Variants in PAX7 observed in about 807,000 individuals in gnomAD.
PAX7 encodes paired box protein Pax-7.
In PAX7, 18 loss-of-function variants were observed where a neutral mutation model predicts 50.7. The observed-to-expected ratio is 0.36, with a 90% CI of 0.25 to 0.53. The LOEUF is 0.53. Ranked by LOEUF, PAX7 falls within the 20% of genes least tolerant of loss-of-function variation. The pLI, the probability that PAX7 is intolerant of heterozygous loss-of-function variation, is 0.93. For missense variants in PAX7, 644 were observed against 702.9 expected (o/e 0.92, Z 0.95); for synonymous variants, 310 against 290.4 (o/e 1.07, Z -0.69).
chr1:18,721,624 A>G (rs9439684), intron 7 of PAX7, among the ~76,000 whole-genome samples: 3,150 of 152,338 alleles, frequency 0.021, 100 homozygotes, highest in African/African-American at 0.072. Flanking sequence ...CCTGGGGCAA[A>G]GCAGAGAGGC....
At chr1:18,686,922 GC>G (rs1268328415) in intron 4 of PAX7, among the ~76,000 whole-genome samples, 1 of 140,676 alleles carries the variant, frequency 7.1e-6, no homozygotes, top group Admixed American at 7.4e-5. Flanking sequence ...ACAGAGTCTT[GC>G]TCTGTTGCCC....
At chr1:18,668,002 A>G (rs906417597) in intron 4 of PAX7, among the ~76,000 whole-genome samples, 1 of 152,134 alleles carries the variant, frequency 6.6e-6, no homozygotes, top group African/African-American at 2.4e-5. Flanking sequence ...ACCGAGTAAA[A>G]TATGGGAAAC....
chr1:18,719,805 T>TG (rs3216187), intron 7 of PAX7, among the ~76,000 whole-genome samples: 132,474 of 152,150 alleles, frequency 0.87, 57,742 homozygotes, highest in Middle Eastern at 0.9. Context: ...CTGTCCCAAC[T>TG]GGGTCATATT....
At chr1:18,723,126 AG>A (rs562300150) in intron 7 of PAX7, among the ~76,000 whole-genome samples, 1 of 152,302 alleles carries the variant, frequency 6.6e-6, no homozygotes, top group South Asian at 2.1e-4. Flanking sequence ...GAATGCTTCC[AG>A]CTGCTTCCTT....
In PAX7 at chr1:18,630,846, A is replaced by C. The variant is rs1038686956; in HGVS notation, c.-758A>C. Among the ~76,000 whole-genome samples, 1 of 151,674 alleles carries C rather than the reference A, an allele frequency of 6.6e-6. No individual in the cohort carries two copies. The highest frequency in any genetic ancestry group is 2.4e-5 in the African/African-American group (1 of 41,242). ...TCCTCCTCCTCCTCGTACTTCGGTGAACACTTTTGCACAACTTACCCAGCT... is the reference window on the plus strand; with the variant it reads ...TCCTCCTCCTCCTCGTACTTCGGTGCACACTTTTGCACAACTTACCCAGCT... On this transcript the variant is annotated 5_prime_UTR_variant, in exon 1 of 9. Coordinates refer to ENST00000420770, the MANE Select transcript of PAX7 (RefSeq NM_001135254.2).
At chr1:18,646,877 C>T (rs1337311162) in intron 4 of PAX7, among the ~76,000 whole-genome samples, 2 of 147,280 alleles carry the variant, frequency 1.4e-5, no homozygotes, top group Non-Finnish European at 3.0e-5. Context: ...CGGGGGGCGG[C>T]GCGGGGCGGC....
chr1:18,680,649 C>A (rs1380158881), intron 4 of PAX7, among the ~76,000 whole-genome samples: 1 of 152,188 alleles, frequency 6.6e-6, no homozygotes, highest in Admixed American at 6.5e-5. Flanking sequence ...TCCCCCAGTG[C>A]CAGCCCTTGC....
chr1:18,641,199 G>A (rs763115373), intron 4 of PAX7, among the ~76,000 whole-genome samples: 13 of 152,222 alleles, frequency 8.5e-5, no homozygotes, highest in African/African-American at 2.4e-5. Flanking sequence ...AAGGAGATAA[G>A]GTTGGAGGGG....
chr1:18,734,547 G>A (rs2089687743), intron 7 of PAX7, among the ~76,000 whole-genome samples: 1 of 152,090 alleles, frequency 6.6e-6, no homozygotes, highest in South Asian at 2.1e-4. Context: ...CCCACCCCAG[G>A]AAAGCACTGC....
At chr1:18,691,128 C>T (rs1464355771) in intron 4 of PAX7, among the ~76,000 whole-genome samples, 1 of 152,204 alleles carries the variant, frequency 6.6e-6, no homozygotes, top group Admixed American at 6.5e-5. Context: ...CAGGCATGCA[C>T]TTCCACACTC....
chr1:18,726,636 G>C lies in PAX7; in HGVS notation c.1156-8996G>C, dbSNP rs553196287. Among the ~76,000 whole-genome samples the C allele has an allele frequency of 6.6e-6, 1 of 152,180 alleles. No homozygotes were observed. Among genetic ancestry groups the C allele is most frequent in the Non-Finnish European group, 1.5e-5 (1 of 68,038 alleles). On this transcript the variant is annotated intron_variant, in intron 7 of 8. Transcript: ENST00000420770. This position sits in a 1 kb window ranked among gnomAD's most constrained non-coding sequence, Gnocchi z 4.8. ...CCTTAGTGGGACTGAAAGTTTCCAC[G>C]GGGTAAGGCTTGAACACAGGGACCT...
At chr1:18,649,801 C>T (rs1181480231) in intron 4 of PAX7, among the ~76,000 whole-genome samples, 5 of 152,208 alleles carry the variant, frequency 3.3e-5, no homozygotes, top group African/African-American at 1.2e-4. Context: ...AATTCAGATC[C>T]TCATGTAAAT....
Position 18,703,179 on chromosome 1 carries a change from C to T in PAX7, c.1038C>T (p.Ala346=), listed in dbSNP as rs1031430307. Residue 346 remains alanine (A), a synonymous_variant, in exon 7 of 9, where the codon GCC becomes GCT. Coordinates refer to ENST00000420770, the MANE Select transcript of PAX7 (RefSeq NM_001135254.2). Reference sequence around the variant, plus strand: ...GGCTGGCTGCAGCGGCTGCAGCCGCCGACACCAGCTCTGCCTACGGAGCCC... The same window carrying T: ...GGCTGGCTGCAGCGGCTGCAGCCGCTGACACCAGCTCTGCCTACGGAGCCC... ...QGGLAAAAAA[A]DTSSAYGARH... The T allele has an allele frequency of 1.1e-5, 17 of 1,612,914 alleles. No homozygotes were observed. The highest frequency in any genetic ancestry group is 1.4e-5 in the Non-Finnish European group (16 of 1,179,810).
At chr1:18,677,126 C>T (rs1000988756) in intron 4 of PAX7, among the ~76,000 whole-genome samples, 9 of 152,322 alleles carry the variant, frequency 5.9e-5, no homozygotes, top group Admixed American at 3.3e-4. Context: ...CCTGACAACT[C>T]GTGTTTTAAT....
chr1:18,676,709 G>A (rs1015712794), intron 4 of PAX7, among the ~76,000 whole-genome samples: 1 of 152,094 alleles, frequency 6.6e-6, no homozygotes. Context: ...TGCTGCACAC[G>A]CAACTTAGGA....
chr1:18,708,184 G>T lies in PAX7; in HGVS notation c.1155+4888G>T, dbSNP rs558426578. Among the ~76,000 whole-genome samples the T allele has an allele frequency of 2.3e-4, 35 of 152,194 alleles. 1 individual carries two copies. The highest frequency in any genetic ancestry group is 1.7e-3 in the Admixed American group (26 of 15,272). On this transcript the variant is annotated intron_variant, in intron 7 of 8. Coordinates refer to ENST00000420770, the MANE Select transcript of PAX7 (RefSeq NM_001135254.2). ...ACGTTCATCTGGGGTTAGGATCATAGACTACCCGCAACCCCCAGCCCACTC... is the reference window on the plus strand; with the variant it reads ...ACGTTCATCTGGGGTTAGGATCATATACTACCCGCAACCCCCAGCCCACTC...
intron 4 of PAX7, among the ~76,000 whole-genome samples, chr1:18,676,139 T>C (rs867262823): frequency 6.6e-6 from 1 of 152,222 alleles, no homozygotes; most frequent in Non-Finnish European, 1.5e-5. Context: ...ACGCTCCTTA[T>C]GGCCATAAAA....
chr1:18,716,547 C>T (rs1360540606), intron 7 of PAX7, among the ~76,000 whole-genome samples: 1 of 151,444 alleles, frequency 6.6e-6, no homozygotes, highest in African/African-American at 2.4e-5. Context: ...TATTTCTTTC[C>T]TTTCCCCACT....
At chr1:18,699,242 C>G (rs936092702) in intron 5 of PAX7, among the ~76,000 whole-genome samples, 7 of 152,164 alleles carry the variant, frequency 4.6e-5, no homozygotes, top group Admixed American at 4.6e-4. Flanking sequence ...AGCCAAGAAA[C>G]AGATATATAG....
Sources: allele counts gnomAD v4.1 joint callset (sites outside exome capture counted in the v4.1 genomes callset), GRCh38; gene constraint gnomAD v4.1.1; non-coding constraint Gnocchi (gnomAD v3.1); transcripts MANE v1.5; gene names NCBI Gene and HGNC (gene_info 2026-07-23, HGNC 2026-07-21).